Variants in KDM4C observed in about 807,000 individuals in gnomAD.
KDM4C encodes the protein lysine-specific demethylase 4C.
Under a neutral mutation model 129.3 loss-of-function variants are expected in KDM4C, and 81 were observed. The observed-to-expected ratio is 0.63, with a 90% CI of 0.52 to 0.75. The LOEUF is 0.75. Among genes scored for constraint, KDM4C ranks in the 30% least tolerant of loss-of-function variants. The probability of loss-of-function intolerance (pLI) is 0.00; values close to 1 mark genes in which losing one functional copy is unlikely to be tolerated. For synonymous variants in KDM4C, 573 were observed against 456.1 expected (o/e 1.26, Z -3.26); for missense variants, 1,457 against 1,304.0 (o/e 1.12, Z -1.81).
At chr9:7,004,518 G>T (rs143325802) in intron 12 of KDM4C, among the ~76,000 whole-genome samples, 51 of 152,048 alleles carry the variant, frequency 3.4e-4, no homozygotes, top group African/African-American at 1.1e-3. Context: ...AATATATATA[G>T]TCATACTGTA....
chr9:6,866,000 G>T (rs370560097), intron 5 of KDM4C, among the ~76,000 whole-genome samples: 6 of 152,020 alleles, frequency 3.9e-5, no homozygotes, highest in Non-Finnish European at 8.8e-5. Flanking sequence ...TGATCCGCCC[G>T]CCTCGGCCTC....
chr9:6,845,451 G>T (rs1369644427), intron 4 of KDM4C, among the ~76,000 whole-genome samples: 1 of 152,180 alleles, frequency 6.6e-6, no homozygotes, highest in Non-Finnish European at 1.5e-5. Flanking sequence ...CTGGCCTCAA[G>T]TGATTCTCCT....
intron 8 of KDM4C, among the ~76,000 whole-genome samples, chr9:6,965,758 A>G (rs533931800): frequency 1.5e-3 from 224 of 152,276 alleles, no homozygotes; most frequent in African/African-American, 5.2e-3. Context: ...AGCTTGTTAG[A>G]TGGAGCCTAC....
intron 15 of KDM4C, among the ~76,000 whole-genome samples, chr9:7,041,766 G>A (rs891629884): frequency 1.3e-5 from 2 of 152,116 alleles, no homozygotes; most frequent in South Asian, 4.2e-4. Flanking sequence ...GGTGTTTTGA[G>A]GGTGGGATTA....
intron 1 of KDM4C, among the ~76,000 whole-genome samples, chr9:6,746,955 G>A (rs13294732): frequency 0.4 from 56,514 of 140,040 alleles, 11,747 homozygotes; most frequent in African/African-American, 0.54. Flanking sequence ...GCAGTGAGCC[G>A]AGATTGCCAC....
At chr9:6,961,047 C>G (rs1829959860) in intron 8 of KDM4C, among the ~76,000 whole-genome samples, 1 of 152,192 alleles carries the variant, frequency 6.6e-6, no homozygotes, top group African/African-American at 2.4e-5. Flanking sequence ...AATTCACTTT[C>G]TTTTTCTTAG....
At chr9:6,832,881 C>T (rs1756195418) in intron 4 of KDM4C, among the ~76,000 whole-genome samples, 1 of 150,474 alleles carries the variant, frequency 6.6e-6, no homozygotes, top group African/African-American at 2.5e-5. Flanking sequence ...GCACCCACCA[C>T]CTTGCCTGGC....
chr9:6,773,347 C>G (rs1374887076), intron 1 of KDM4C, among the ~76,000 whole-genome samples: 1 of 152,108 alleles, frequency 6.6e-6, no homozygotes, highest in African/African-American at 2.4e-5. Flanking sequence ...AAAGCAGATA[C>G]TTTAGACAAA....
intron 8 of KDM4C, among the ~76,000 whole-genome samples, chr9:6,912,442 G>GGTTC (rs762292805): frequency 2.6e-4 from 40 of 152,248 alleles, no homozygotes; most frequent in East Asian, 5.8e-4. Flanking sequence ...TCTGAGGCAG[G>GGTTC]GTTCCAGGAA....
At chr9:6,959,028 T>C (rs1052824937) in intron 8 of KDM4C, among the ~76,000 whole-genome samples, 3 of 152,186 alleles carry the variant, frequency 2.0e-5, no homozygotes, top group African/African-American at 7.2e-5. Flanking sequence ...CTTTTATGCC[T>C]CCTTTTTAAA....
intron 2 of KDM4C, among the ~76,000 whole-genome samples, chr9:6,801,422 G>A (rs7861299): frequency 0.44 from 66,225 of 150,346 alleles, 15,435 homozygotes; most frequent in African/African-American, 0.62. Flanking sequence ...TTTTTTTAGT[G>A]GAGACGGGGT....
At chr9:6,960,943 A>G (rs1306803811) in intron 8 of KDM4C, among the ~76,000 whole-genome samples, 1 of 152,210 alleles carries the variant, frequency 6.6e-6, no homozygotes, top group Non-Finnish European at 1.5e-5. Flanking sequence ...GAAAAATGAC[A>G]TCCATACACG....
At chr9:6,808,116 A>G (rs1468613552) in intron 3 of KDM4C, among the ~76,000 whole-genome samples, 90 of 22,508 alleles carry the variant, frequency 4.0e-3, no homozygotes, top group South Asian at 5.6e-3. Flanking sequence ...CCGGGAGGTG[A>G]GGGGCGCCTC....
chr9:7,018,057 G>A (rs958826724), intron 15 of KDM4C, among the ~76,000 whole-genome samples: 14 of 152,190 alleles, frequency 9.2e-5, no homozygotes, highest in African/African-American at 3.1e-4. Flanking sequence ...GTACAGGTAT[G>A]CATTACTTAA....
At chr9:6,944,424 T>C (rs1826503834) in intron 8 of KDM4C, among the ~76,000 whole-genome samples, 1 of 152,218 alleles carries the variant, frequency 6.6e-6, no homozygotes, top group Non-Finnish European at 1.5e-5. Context: ...TCAAAAGAGC[T>C]GCAGCATGTC....
At chr9:6,874,231 C>T (rs1165227377) in intron 5 of KDM4C, among the ~76,000 whole-genome samples, 3 of 152,148 alleles carry the variant, frequency 2.0e-5, no homozygotes, top group Non-Finnish European at 4.4e-5. Context: ...TGCCATAGAC[C>T]TTCAGTTTGT....
chr9:6,988,682 A>T (rs1818181675), intron 11 of KDM4C, among the ~76,000 whole-genome samples: 1 of 151,834 alleles, frequency 6.6e-6, no homozygotes, highest in South Asian at 2.1e-4. Context: ...CCATCCATCC[A>T]TCCATCCATC....
intron 17 of KDM4C, among the ~76,000 whole-genome samples, chr9:7,102,476 A>T (rs920236511): frequency 6.6e-6 from 1 of 152,030 alleles, no homozygotes; most frequent in Non-Finnish European, 1.5e-5. Flanking sequence ...TAAAGGATGG[A>T]GATACACATT....
chr9:7,165,514 C>A (rs922785960), intron 20 of KDM4C, among the ~76,000 whole-genome samples, 157 bp downstream of exon 20: 1 of 152,204 alleles, frequency 6.6e-6, no homozygotes, highest in African/African-American at 2.4e-5. Context: ...TGACCCAGGT[C>A]GAAACCCTGG....
Sources: gnomAD v4.1 joint callset for allele counts (sites outside exome capture counted in the v4.1 genomes callset) on GRCh38, gnomAD v4.1.1 for gene constraint, MANE v1.5 for transcripts, NCBI Gene and HGNC (gene_info 2026-07-23, HGNC 2026-07-21) for gene names.